LIG4: variants seen among roughly 807,000 people sequenced by gnomAD.
The protein encoded by LIG4 is DNA ligase 4.
A neutral mutation model predicts 19.0 loss-of-function variants in LIG4; 13 were observed. The observed-to-expected ratio is 0.68, with a 90% CI of 0.44 to 1.09. LIG4 has a LOEUF of 1.09. LIG4 is among the 50% of genes least tolerant of loss of function. The probability of loss-of-function intolerance (pLI) is 0.00; values close to 1 mark genes in which losing one functional copy is unlikely to be tolerated. For missense variants in LIG4, 1,026 were observed against 1,089.7 expected (o/e 0.94, Z 0.82); for synonymous variants, 361 against 358.2 (o/e 1.01, Z -0.09).
chr13:108,210,381 A>G lies in LIG4; in HGVS notation c.888T>C (p.Tyr296=). 6.2e-7 allele frequency: 1 copy of G among 1,613,900 alleles called. No homozygotes were observed. Among genetic ancestry groups the G allele is most frequent in the Non-Finnish European group, 8.5e-7 (1 of 1,179,962 alleles). ...DVYKYFSRNG[Y]NYTDQFGASP... is the part of the protein sequence containing the mutation. ...AAGCACCAAACTGATCAGTGTAGTT[A>G]TATCCATTTCGAGAGAAGTATTTAT... The change falls in exon 3 of 3, where the codon TAT becomes TAC. Residue 296 remains tyrosine, a synonymous_variant. Coordinates refer to ENST00000442234, the MANE Select transcript of LIG4 (RefSeq NM_206937.2).
At chr13:108,215,820 A>G (rs1245259789), upstream of LIG4, among the ~76,000 whole-genome samples, 1 of 152,088 alleles carries the variant, frequency 6.6e-6, no homozygotes, top group African/African-American at 2.4e-5. Context: ...CTGGCTAGTG[A>G]TAGCCTCTAA....
Position 108,210,903 on chromosome 13 carries a change from A to C in LIG4, c.366T>G (p.Ala122=). The change falls in exon 3 of 3, where the codon GCT becomes GCG. Residue 122 remains alanine (A), a synonymous_variant. Transcript: ENST00000442234. The stretch of plus-strand genomic sequence containing the variant: ...AATATGCAATCATTGCAAAGTCTCC[A>C]GCATCTCCATGAGTTCCAGTGGGTG... ...YRTPTGTHGD[A]GDFAMIAYFV... is the part of the protein sequence containing the mutation. The C allele has an allele frequency of 6.2e-7, 1 of 1,614,054 alleles. No homozygotes were observed. Among genetic ancestry groups the C allele is most frequent in the Non-Finnish European group, 8.5e-7 (1 of 1,179,988 alleles).
rs1878062900 is a variant in LIG4, at chr13:108,207,674, CTA to C, written c.*857_*858del. On this transcript the variant is annotated 3_prime_UTR_variant, in exon 3 of 3. Transcript: ENST00000442234. Reference sequence around the variant, plus strand: ...TATACATTGACTTTAAATAATCTAACTATGTCATTTTTAAAAGTCAAAGCAAC... The same window carrying C: ...TATACATTGACTTTAAATAATCTAACTGTCATTTTTAAAAGTCAAAGCAAC... The C allele has an allele frequency of 6.6e-6, 1 of 150,580 alleles. No individual in the cohort carries two copies. Among genetic ancestry groups the C allele is most frequent in the Non-Finnish European group, 1.5e-5 (1 of 67,946 alleles). 9.3% of individuals were successfully genotyped at this position (150,580 alleles called of 1,614,324 possible).
At chr13:108,217,572 C>T (rs989028051), upstream of LIG4, among the ~76,000 whole-genome samples, 1 of 151,640 alleles carries the variant, frequency 6.6e-6, no homozygotes, top group Non-Finnish European at 1.5e-5. Context: ...TGGCGGGCAC[C>T]TGTAATCCCA....
At position 108,209,549 on chromosome 13, in the gene LIG4, A is replaced by G. The variant is rs201308256; in HGVS notation, c.1720T>C (p.Cys574Arg). Residue 574 changes from cysteine to arginine, a missense_variant, in exon 3 of 3, where the codon TGC becomes CGC. Around this residue, in one of 3 missense-constraint regions of LIG4, gnomAD observed 521 missense variants for 515.5 expected, o/e 1.01. Coordinates refer to ENST00000442234, the MANE Select transcript of LIG4 (RefSeq NM_206937.2). ...TCAATTCGTGGAAAACGCAAGGTGC[A>G]GCCAGTTTTATACATATCACTGGGT... The part of the protein sequence containing the change: ...IVPSDMYKTG[C>R]TLRFPRIEKI... 1.5e-5 allele frequency: 25 copies of G among 1,614,062 alleles called. No homozygotes were observed. Among genetic ancestry groups the G allele is most frequent in the Non-Finnish European group, 2.0e-5 (24 of 1,180,038 alleles).
rs1421153568 is a variant in LIG4 at position 108,213,044 on chromosome 13, C to A, written c.-29+1494G>T. Among the ~76,000 whole-genome samples, 28 of 152,112 alleles carry A rather than the reference C, an allele frequency of 1.8e-4. 1 individual carries two copies. The highest frequency in any genetic ancestry group is 1.8e-3 in the Admixed American group (28 of 15,262). On this transcript the variant is annotated intron_variant, in intron 2 of 2. Transcript: ENST00000442234. ...TGGTGGCCTATAGAGAAAAAAGGTGCACTTCTCAGTCTAATTTCTGACAAA... is the reference window on the plus strand; with the variant it reads ...TGGTGGCCTATAGAGAAAAAAGGTGAACTTCTCAGTCTAATTTCTGACAAA...
At position 108,208,571 on chromosome 13, in the gene LIG4, T is replaced by C. The variant is rs368132126; in HGVS notation, c.2698A>G (p.Lys900Glu). Residue 900 changes from lysine to glutamate, a missense_variant, in exon 3 of 3, where the codon AAG becomes GAG. By Grantham distance (56) the Lys-to-Glu change is moderately conservative. Coordinates refer to ENST00000442234, the MANE Select transcript of LIG4 (RefSeq NM_206937.2). ...KESWVTDSID[K>E]CELQEENQYL... Reference sequence around the variant, plus strand: ...TGGTTTTCTTCTTGTAATTCACACTTGTCTATTGAATCAGTTACCCAACTT... The same window carrying C: ...TGGTTTTCTTCTTGTAATTCACACTCGTCTATTGAATCAGTTACCCAACTT... 6.2e-7 allele frequency: 1 copy of C among 1,612,598 alleles called. No homozygotes were observed. The highest frequency in any genetic ancestry group is 8.5e-7 in the Non-Finnish European group (1 of 1,178,800).
chr13:108,210,729 T>G lies in LIG4; in HGVS notation c.540A>C (p.Ala180=). 1 of 1,614,022 alleles carries G rather than the reference T, an allele frequency of 6.2e-7. No individual in the cohort carries two copies. Among genetic ancestry groups the G allele is most frequent in the Non-Finnish European group, 8.5e-7 (1 of 1,179,976 alleles). ...TCCGTATAAGCCACTTTTGCTCAAG[T>G]GCTGAACTCTGAGTTATAAGTTGAA... The part of the protein sequence containing the change: ...SLLQLITQSS[A]LEQKWLIRMI... Residue 180 remains alanine (A), a synonymous_variant, in exon 3 of 3, where the codon GCA becomes GCC. Transcript: ENST00000442234.
chr13:108,209,507 T>C lies in LIG4; in HGVS notation c.1762A>G (p.Lys588Glu). 6.2e-7 allele frequency: 1 copy of C among 1,614,172 alleles called. No individual in the cohort carries two copies. Among genetic ancestry groups the C allele is most frequent in the Non-Finnish European group, 8.5e-7 (1 of 1,180,024 alleles). The change falls in exon 3 of 3, where the codon AAG becomes GAG. Residue 588 changes from lysine to glutamate, a missense_variant. By Grantham distance (56) the Lys-to-Glu change is moderately conservative (BLOSUM62 1). This residue lies in a region of LIG4 where 521 missense variants were observed against 515.5 expected (regional missense o/e 1.01). Coordinates refer to ENST00000442234, the MANE Select transcript of LIG4 (RefSeq NM_206937.2). ...FPRIEKIRDD[K>E]EWHECMTLDD... Reference sequence around the variant, plus strand: ...AGGGTCATGCACTCATGCCACTCCTTGTCATCTCTTATCTTTTCAATTCGT... The same window carrying C: ...AGGGTCATGCACTCATGCCACTCCTCGTCATCTCTTATCTTTTCAATTCGT...
At chr13:108,214,212 A>T (rs3093743) in intron 2 of LIG4, among the ~76,000 whole-genome samples, 2,003 of 152,318 alleles carry the variant, frequency 0.013, 32 homozygotes, top group African/African-American at 0.044. Flanking sequence ...AGTATCCTTC[A>T]TGCAACCCTT....
At position 108,210,084 on chromosome 13, in the gene LIG4, TG is replaced by T. The variant is rs1437473639; in HGVS notation, c.1184del (p.Pro395GlnfsTer6). The stretch of plus-strand genomic sequence containing the variant: ...GCACTATTTCTATTCTACCTGGAAT[TG>T]GTGTAAAAATACTACTAAGAATCTC... ...RYEILSSIFT[P>X]IPGRIEIVQK... On this transcript the variant is annotated frameshift_variant, in exon 3 of 3. Coordinates refer to ENST00000442234, the MANE Select transcript of LIG4 (RefSeq NM_206937.2). LOFTEE classifies it low-confidence loss of function (END_TRUNC). The T allele has an allele frequency of 1.9e-6, 3 of 1,613,234 alleles. No homozygotes were observed. The highest frequency in any genetic ancestry group is 2.5e-6 in the Non-Finnish European group (3 of 1,179,822).
chr13:108,207,486 C>T lies in LIG4; in HGVS notation c.*1047G>A, dbSNP rs1878035964. 1 of 151,770 alleles carries T rather than the reference C, an allele frequency of 6.6e-6. No homozygotes were observed. The highest frequency in any genetic ancestry group is 1.5e-5 in the Non-Finnish European group (1 of 67,916). The allele number at this position is 151,770 out of a possible 1,614,324, so 9.4% of individuals were successfully genotyped here. On this transcript the variant is annotated 3_prime_UTR_variant, in exon 3 of 3. Coordinates refer to ENST00000442234, the MANE Select transcript of LIG4 (RefSeq NM_206937.2). ...ATTTTATTTAAATTAAGAAGTATAA[C>T]AAAATCACATACATTTGTTCCACGG... is the stretch of plus-strand genomic sequence containing the variant.
upstream of LIG4, among the ~76,000 whole-genome samples, chr13:108,215,893 CAAGA>C (rs1050188422): frequency 4.1e-4 from 63 of 152,222 alleles, no homozygotes; most frequent in African/African-American, 1.3e-3. Flanking sequence ...TGAAAACTCC[CAAGA>C]GAGAACAGGA....
At chr13:108,216,944 A>C (rs1879329835), upstream of LIG4, among the ~76,000 whole-genome samples, 1 of 152,202 alleles carries the variant, frequency 6.6e-6, no homozygotes, top group African/African-American at 2.4e-5. Context: ...AGTTGCCATG[A>C]TTATTAATTT....
In LIG4 at chr13:108,211,133, A is replaced by T. The variant is rs779369404; in HGVS notation, c.136T>A (p.Trp46Arg). The change falls in exon 3 of 3, where the codon TGG becomes AGG. Residue 46 changes from tryptophan (W) to arginine (R), a missense_variant. Trp to Arg is a moderately radical substitution (Grantham distance 101). Around this residue, in one of 3 missense-constraint regions of LIG4, gnomAD observed 493 missense variants for 544.5 expected, o/e 0.91. Coordinates refer to ENST00000442234, the MANE Select transcript of LIG4 (RefSeq NM_206937.2). ...TGAAGAGCATCATGAAATTTTCTCCAAGAATCTAAAAATTCCCTGAAGTGT... is the reference window on the plus strand; with the variant it reads ...TGAAGAGCATCATGAAATTTTCTCCTAGAATCTAAAAATTCCCTGAAGTGT... ...IRHFREFLDS[W>R]RKFHDALHKN... 6.2e-7 allele frequency: 1 copy of T among 1,611,820 alleles called. No individual in the cohort carries two copies. The highest frequency in any genetic ancestry group is 8.5e-7 in the Non-Finnish European group (1 of 1,178,394).
chr13:108,210,679 C>T lies in LIG4; in HGVS notation c.590G>A (p.Gly197Asp). 1 of 1,613,846 alleles carries T rather than the reference C, an allele frequency of 6.2e-7. No homozygotes were observed. Among genetic ancestry groups the T allele is most frequent in the Non-Finnish European group, 8.5e-7 (1 of 1,179,936 alleles). ...IRMIIKDLKL[G>D]VSQQTIFSVF... ...AGAAAAGATAGTTTGCTGACTAACA[C>T]CAAGCTTTAAATCCTTTATGATCAT... The change falls in exon 3 of 3, where the codon GGT becomes GAT. Residue 197 changes from glycine to aspartate, a missense_variant. Physicochemically the swap from Gly to Asp is moderately conservative, Grantham distance 94. Coordinates refer to ENST00000442234, the MANE Select transcript of LIG4 (RefSeq NM_206937.2).
Position 108,208,862 on chromosome 13 carries a change from A to G in LIG4, c.2407T>C (p.Tyr803His). The G allele has an allele frequency of 6.2e-7, 1 of 1,614,126 alleles. No homozygotes were observed. Among genetic ancestry groups the G allele is most frequent in the Non-Finnish European group, 8.5e-7 (1 of 1,179,992 alleles). Residue 803 changes from tyrosine (Y) to histidine (H), a missense_variant, in exon 3 of 3, where the codon TAT becomes CAT. Transcript: ENST00000442234. The stretch of plus-strand genomic sequence containing the variant: ...CTGAGAGGAGAGCAATCCCAGGAAT[A>G]CCGATATTCTAAATCAGCAATCAGA... ...ASLIADLEYR[Y>H]SWDCSPLSMF...
intron 2 of LIG4, among the ~76,000 whole-genome samples, chr13:108,212,214 AG>A (rs148966471): frequency 1.3e-5 from 2 of 151,416 alleles, no homozygotes; most frequent in Non-Finnish European, 2.9e-5. Flanking sequence ...AAAGAAAAAA[AG>A]GGGGGGAGTG....
rs1878592197 is a variant in LIG4, at chr13:108,210,956, C to G, written c.313G>C (p.Asp105His). ...CTGTAGTTTAAAAGTTTGAGGGCAT[C>G]TTTTCCATCTCTAGGTAAATTAAGC... ...ELLNLPRDGK[D>H]ALKLLNYRTP... The change falls in exon 3 of 3, where the codon GAT becomes CAT. Residue 105 changes from aspartate (D) to histidine (H), a missense_variant. Coordinates refer to ENST00000442234, the MANE Select transcript of LIG4 (RefSeq NM_206937.2). 1 of 1,613,498 alleles carries G rather than the reference C, an allele frequency of 6.2e-7. No homozygotes were observed. The highest frequency in any genetic ancestry group is 1.1e-5 in the South Asian group (1 of 90,950).
Sources: gnomAD v4.1 joint callset for allele counts (sites outside exome capture counted in the v4.1 genomes callset) on GRCh38, gnomAD v4.1.1 for gene constraint, gnomAD v4.1.1 regional missense constraint, MANE v1.5 for transcripts, NCBI Gene and HGNC (gene_info 2026-07-23, HGNC 2026-07-21) for gene names.